MYO5A: variants seen among roughly 807,000 people sequenced by gnomAD.
The protein encoded by MYO5A is unconventional myosin-Va.
A neutral mutation model predicts 249.7 loss-of-function variants in MYO5A; 98 were observed. The ratio of observed to expected loss-of-function variants is 0.39; its 90% confidence interval spans 0.33 to 0.46. The LOEUF is 0.46. Among genes scored for constraint, MYO5A ranks in the 20% least tolerant of loss-of-function variants. MYO5A has a pLI of 0.98. For missense variants in MYO5A, 1,696 were observed against 2,308.8 expected (o/e 0.73, Z 5.44); for synonymous variants, 778 against 810.6 (o/e 0.96, Z 0.68).
chr15:52,404,790 T>G (rs1010233058), intron 9 of MYO5A, among the ~76,000 whole-genome samples: 3 of 152,106 alleles, frequency 2.0e-5, no homozygotes, highest in African/African-American at 7.2e-5. Context: ...AATGGCTGGA[T>G]GTAGAGTGTG....
chr15:52,494,822 G>C (rs1310402709), intron 1 of MYO5A, among the ~76,000 whole-genome samples: 2 of 152,106 alleles, frequency 1.3e-5, no homozygotes, highest in Non-Finnish European at 2.9e-5. Flanking sequence ...CTAGGTGCTA[G>C]GTGCCAAGCT....
At chr15:52,347,501 T>G (rs2039700433) in intron 29 of MYO5A, among the ~76,000 whole-genome samples, 1 of 152,226 alleles carries the variant, frequency 6.6e-6, no homozygotes, top group Admixed American at 6.5e-5. Flanking sequence ...AAACATGATC[T>G]AAGCTCAGGC....
chr15:52,405,146 C>T, intron 9 of MYO5A, 141 bp downstream of exon 9: 1 of 720,692 alleles, frequency 1.4e-6, no homozygotes, highest in Non-Finnish European at 2.5e-6. Context: ...TTGAGATTCT[C>T]CTTTGGATAA....
intron 13 of MYO5A, among the ~76,000 whole-genome samples, chr15:52,388,350 G>T (rs1376861405): frequency 2.0e-5 from 3 of 152,208 alleles, no homozygotes; most frequent in Non-Finnish European, 4.4e-5. Context: ...GAGGTGAAAA[G>T]CTGCTGATGG....
intron 30 of MYO5A, 124 bp from the exon 31 acceptor site, chr15:52,343,321 C>T: frequency 1.2e-6 from 1 of 834,764 alleles, no homozygotes; most frequent in East Asian, 2.6e-5. Flanking sequence ...TTCATTATGA[C>T]AACTTTAAGA....
chr15:52,383,394 C>G (rs1471543697), intron 15 of MYO5A, among the ~76,000 whole-genome samples: 1 of 152,216 alleles, frequency 6.6e-6, no homozygotes, highest in African/African-American at 2.4e-5. Context: ...CATTTTCATG[C>G]TTACTCTGCT....
intron 1 of MYO5A, chr15:52,435,669 A>G (rs192459557): frequency 2.8e-4 from 126 of 455,472 alleles, no homozygotes; most frequent in African/African-American, 2.4e-3. Flanking sequence ...ACTAGATTTC[A>G]TGGCTGGTAA....
At chr15:52,491,041 G>A (rs958976556) in intron 1 of MYO5A, among the ~76,000 whole-genome samples, 1 of 152,090 alleles carries the variant, frequency 6.6e-6, no homozygotes, top group Non-Finnish European at 1.5e-5. Flanking sequence ...CAATATGAAT[G>A]TACTTAACAT....
chr15:52,501,049 A>C lies in MYO5A; in HGVS notation c.27+27731T>G, dbSNP rs188664511. ...CAGTGGCAAGATCTTGGCTCGCTGC[A>C]AGCTCCGCCTCCCGGGTTCACGCCA... On this transcript the variant is annotated intron_variant, in intron 1 of 41. Transcript: ENST00000399233. Among the ~76,000 whole-genome samples, 1,378 of 151,822 alleles carry C rather than the reference A, an allele frequency of 9.1e-3. 16 individuals carry two copies. Among genetic ancestry groups the C allele is most frequent in the African/African-American group, 0.032 (1,314 of 41,414 alleles).
chr15:52,473,455 G>A (rs368697333), intron 1 of MYO5A, among the ~76,000 whole-genome samples: 9 of 152,196 alleles, frequency 5.9e-5, no homozygotes, highest in Middle Eastern at 3.4e-3. Context: ...TGTTTTAGAC[G>A]TGAAGTCCTT....
At chr15:52,343,093 C>A in intron 31 of MYO5A, 24 bp downstream of exon 31, 2 of 1,582,186 alleles carry the variant, frequency 1.3e-6, no homozygotes, top group Admixed American at 1.7e-5. Flanking sequence ...TAATAACATT[C>A]CATTTTGAGG....
At chr15:52,343,411 A>T (rs2039470770) in intron 30 of MYO5A, among the ~76,000 whole-genome samples, 3 of 152,264 alleles carry the variant, frequency 2.0e-5, no homozygotes, top group Non-Finnish European at 4.4e-5. Flanking sequence ...TAGAAATTAA[A>T]GCAAAATAAT....
At chr15:52,496,384 A>C (rs1464337968) in intron 1 of MYO5A, among the ~76,000 whole-genome samples, 1 of 129,904 alleles carries the variant, frequency 7.7e-6, no homozygotes, top group African/African-American at 2.6e-5. Flanking sequence ...AACTACAGAA[A>C]GTAAGCTTCC....
At chr15:52,339,700 C>T (rs2039291105) in intron 32 of MYO5A, among the ~76,000 whole-genome samples, 1 of 152,124 alleles carries the variant, frequency 6.6e-6, no homozygotes. Flanking sequence ...CTGGGAGCTC[C>T]ATCCAACATC....
At chr15:52,326,717 G>A (rs2038627805) in intron 36 of MYO5A, among the ~76,000 whole-genome samples, 1 of 152,152 alleles carries the variant, frequency 6.6e-6, no homozygotes, top group Non-Finnish European at 1.5e-5. Flanking sequence ...TTTATGTTAT[G>A]TATGTTTTAC....
At chr15:52,380,694 G>A (rs1186832239) in intron 16 of MYO5A, among the ~76,000 whole-genome samples, 1 of 152,132 alleles carries the variant, frequency 6.6e-6, no homozygotes, top group Non-Finnish European at 1.5e-5. Flanking sequence ...TTGAACCCGG[G>A]AGGCAGAGGT....
In MYO5A at chr15:52,519,610, T is replaced by TA. The variant is rs757346309; in HGVS notation, c.27+9169dup. Among the ~76,000 whole-genome samples, 36 of 56,902 alleles carry TA rather than the reference T, an allele frequency of 6.3e-4. 1 individual carries two copies. The East Asian group carries it at 6.8e-3, about 11-fold the overall frequency. 37.3% of individuals were successfully genotyped at this position (56,902 alleles called of 152,430 possible). A position where few individuals can be genotyped will look rare whatever the true frequency, so the allele number is the denominator to read the frequency against. On this transcript the variant is annotated intron_variant, in intron 1 of 41. Transcript: ENST00000399233. The stretch of plus-strand genomic sequence containing the variant: ...GTGGGCAACAGAACGAGACCTTGTC[T>TA]AAAAAAAATAATAATAATAATAATA...
chr15:52,522,579 C>G (rs2077645008), intron 1 of MYO5A, among the ~76,000 whole-genome samples: 1 of 152,178 alleles, frequency 6.6e-6, no homozygotes, highest in Non-Finnish European at 1.5e-5. Flanking sequence ...TGGGAATTGC[C>G]TGAAGTGGAG....
At chr15:52,320,351 G>C (rs1197553056) in intron 38 of MYO5A, among the ~76,000 whole-genome samples, 1 of 152,192 alleles carries the variant, frequency 6.6e-6, no homozygotes, top group African/African-American at 2.4e-5. Flanking sequence ...CATGTTTGTT[G>C]TTGCTGTTAA....
Sources: allele counts gnomAD v4.1 joint callset (sites outside exome capture counted in the v4.1 genomes callset), GRCh38; gene constraint gnomAD v4.1.1; transcripts MANE v1.5; gene names NCBI Gene and HGNC (gene_info 2026-07-23, HGNC 2026-07-21).